The following LRBA variants were observed in gnomAD, a reference collection of about 807,000 sequenced individuals.
LRBA encodes LPS responsive beige-like anchor protein, also known as lipopolysaccharide-responsive and beige-like anchor protein.
LRBA carries 176 observed loss-of-function variants against 330.0 expected under a neutral mutation model. That is an observed-to-expected ratio of 0.53 (90% CI 0.47 to 0.60). The LOEUF (loss-of-function observed/expected upper bound fraction) is 0.60, where lower values mean the gene tolerates loss of function less well. LRBA is among the 20% of genes least tolerant of loss of function. The probability of loss-of-function intolerance (pLI) is 0.00; values close to 1 mark genes in which losing one functional copy is unlikely to be tolerated. For synonymous variants in LRBA, 1,230 were observed against 1,193.0 expected (o/e 1.03, Z -0.64); for missense variants, 3,259 against 3,444.8 (o/e 0.95, Z 1.35).
At chr4:150,631,033 A>G (rs1777326351) in intron 37 of LRBA, among the ~76,000 whole-genome samples, 1 of 152,090 alleles carries the variant, frequency 6.6e-6, no homozygotes, top group Non-Finnish European at 1.5e-5. Flanking sequence ...ATTAATACAA[A>G]TATTTGAAGA....
In LRBA at chr4:150,636,215, T is replaced by C. The variant is rs186744369; in HGVS notation, c.5922-37084A>G. Among the ~76,000 whole-genome samples, 629 of 151,632 alleles carry C rather than the reference T, an allele frequency of 4.1e-3. 7 individuals are homozygous for C. Among genetic ancestry groups the C allele is most frequent in the African/African-American group, 0.015 (601 of 41,282 alleles). On this transcript the variant is annotated intron_variant, in intron 37 of 56. Transcript: ENST00000651943. The stretch of plus-strand genomic sequence containing the variant: ...TCTTTCTCCCTTTGTAATTAATGAA[T>C]ATTTTTTGAGGAGGTACTTTGGAAC...
chr4:150,505,192 T>C (rs2152122265), intron 40 of LRBA, among the ~76,000 whole-genome samples: 1 of 152,218 alleles, frequency 6.6e-6, no homozygotes, highest in East Asian at 1.9e-4. Flanking sequence ...TTAACAAGGA[T>C]ACCCAGGAAC....
chr4:150,847,911 T>C (rs971708512), intron 26 of LRBA, among the ~76,000 whole-genome samples: 3 of 152,226 alleles, frequency 2.0e-5, no homozygotes, highest in African/African-American at 7.2e-5. Context: ...TGTACTTGAA[T>C]GATGCTAGTT....
chr4:150,934,099 G>A (rs1734805659), intron 2 of LRBA, among the ~76,000 whole-genome samples: 2 of 151,546 alleles, frequency 1.3e-5, no homozygotes, highest in South Asian at 4.2e-4. Context: ...AAATACAAAT[G>A]GTATTAATAC....
Position 150,489,611 on chromosome 4 carries a change from T to TAAG in LRBA, c.6448+1306_6448+1307insCTT, listed in dbSNP as rs1320735159. ...ATATTATATAAGAATATATAATATA[T>TAAG]AATATATAAGAATATATAATATATA... is the stretch of plus-strand genomic sequence containing the variant. On this transcript the variant is annotated intron_variant, in intron 41 of 56. Coordinates refer to ENST00000651943, the MANE Select transcript of LRBA (RefSeq NM_001364905.1). Among the ~76,000 whole-genome samples, 80 of 43,042 alleles carry TAAG rather than the reference T, an allele frequency of 1.9e-3. 1 individual carries two copies. Among genetic ancestry groups the TAAG allele is most frequent in the Admixed American group, 2.0e-3 (6 of 2,968 alleles). 28.2% of individuals were successfully genotyped at this position (43,042 alleles called of 152,430 possible). A position where few individuals can be genotyped will look rare whatever the true frequency, so the allele number is the denominator to read the frequency against.
chr4:151,012,607 G>A (rs543120800), intron 2 of LRBA, among the ~76,000 whole-genome samples: 69 of 152,228 alleles, frequency 4.5e-4, no homozygotes, highest in Middle Eastern at 6.8e-3. Flanking sequence ...CCAAAATGTT[G>A]ACAACTGTTG....
chr4:150,798,688 A>G lies in LRBA; in HGVS notation c.5519-546T>C, dbSNP rs188865069. 1.1e-3 allele frequency among the ~76,000 whole-genome samples: 168 copies of G among 152,302 alleles called. 2 individuals carry two copies. The highest frequency in any genetic ancestry group is 3.7e-3 in the African/African-American group (153 of 41,572). On this transcript the variant is annotated intron_variant, in intron 33 of 56. Transcript: ENST00000651943. ...GTTATATATTCTTGATTTCTTATAA[A>G]TTAATTCATTTACTTTTATGTTTCA...
chr4:150,995,257 A>T (rs1431877671), intron 2 of LRBA, among the ~76,000 whole-genome samples: 5 of 152,112 alleles, frequency 3.3e-5, no homozygotes, highest in African/African-American at 1.2e-4. Flanking sequence ...ACACCAATCC[A>T]GCCAAGAGGA....
chr4:150,327,697 G>A (rs1489676959), intron 48 of LRBA, among the ~76,000 whole-genome samples: 3 of 152,096 alleles, frequency 2.0e-5, no homozygotes, highest in African/African-American at 7.2e-5. Context: ...ATAATTGTTT[G>A]GAAAATGAAA....
intron 2 of LRBA, among the ~76,000 whole-genome samples, chr4:150,981,297 C>T (rs887560507): frequency 6.6e-6 from 1 of 151,560 alleles, no homozygotes; most frequent in African/African-American, 2.4e-5. Flanking sequence ...CCTGTAGTCC[C>T]AGCTACTCTG....
At chr4:150,782,477 T>TC (rs1396121976) in intron 34 of LRBA, among the ~76,000 whole-genome samples, 6 of 152,194 alleles carry the variant, frequency 3.9e-5, no homozygotes, top group Non-Finnish European at 8.8e-5. Context: ...GAGACTCTGT[T>TC]CCTTGCTTCT....
At chr4:150,752,364 T>C (rs945473494) in intron 35 of LRBA, among the ~76,000 whole-genome samples, 2 of 152,104 alleles carry the variant, frequency 1.3e-5, no homozygotes, top group Non-Finnish European at 2.9e-5. Flanking sequence ...CTTTCTCAGT[T>C]AAAGCTCTCA....
intron 2 of LRBA, among the ~76,000 whole-genome samples, chr4:150,955,466 G>A (rs1345167757): frequency 6.7e-6 from 1 of 148,634 alleles, no homozygotes; most frequent in Non-Finnish European, 1.5e-5. Context: ...TAAAAAGAAG[G>A]AGCCAAGCCA....
intron 40 of LRBA, among the ~76,000 whole-genome samples, chr4:150,555,486 C>T (rs549990987): frequency 6.6e-6 from 1 of 152,240 alleles, no homozygotes; most frequent in Non-Finnish European, 1.5e-5. Context: ...TGGCTGGGTG[C>T]ACGCCTGTAA....
At chr4:150,776,047 T>G (rs765177462) in intron 34 of LRBA, among the ~76,000 whole-genome samples, 2 of 152,190 alleles carry the variant, frequency 1.3e-5, no homozygotes, top group Non-Finnish European at 2.9e-5. Context: ...AATGTTATTA[T>G]GAAAGTATAT....
intron 44 of LRBA, among the ~76,000 whole-genome samples, chr4:150,459,692 T>A (rs375546880): frequency 6.6e-6 from 1 of 151,964 alleles, no homozygotes; most frequent in East Asian, 1.9e-4. Flanking sequence ...ATCATTTTTA[T>A]GCTTATTAGA....
intron 42 of LRBA, among the ~76,000 whole-genome samples, chr4:150,472,923 A>T (rs1356136239): frequency 6.6e-6 from 1 of 152,146 alleles, no homozygotes; most frequent in Non-Finnish European, 1.5e-5. Flanking sequence ...TGCTATTATA[A>T]ATAATGCTAC....
intron 46 of LRBA, among the ~76,000 whole-genome samples, chr4:150,416,987 A>ATATTAT (rs369818086): frequency 0.38 from 57,117 of 151,738 alleles, 11,584 homozygotes; most frequent in Non-Finnish European, 0.47. Context: ...CCAGTTGGAC[A>ATATTAT]AAATATGGAA....
chr4:150,904,080 T>C (rs1012592475), intron 13 of LRBA, among the ~76,000 whole-genome samples: 1 of 152,184 alleles, frequency 6.6e-6, no homozygotes, highest in Admixed American at 6.5e-5. Context: ...AAATTATAAA[T>C]CGCTGGTAGC....
Sources: gnomAD v4.1 joint callset for allele counts (sites outside exome capture counted in the v4.1 genomes callset) on GRCh38, gnomAD v4.1.1 for gene constraint, MANE v1.5 for transcripts, NCBI Gene and HGNC (gene_info 2026-07-23, HGNC 2026-07-21) for gene names.